The following CACNB2 variants were observed in gnomAD, a reference collection of about 807,000 sequenced individuals.
The protein encoded by CACNB2 is calcium voltage-gated channel auxiliary subunit beta 2, also known as voltage-dependent L-type calcium channel subunit beta-2.
A neutral mutation model predicts 73.3 loss-of-function variants in CACNB2; 42 were observed. That is an observed-to-expected ratio of 0.57 (90% CI 0.45 to 0.74). CACNB2 has a LOEUF of 0.74. Ranked by LOEUF, CACNB2 falls within the 30% of genes least tolerant of loss-of-function variation. The pLI is 0.00. For synonymous variants in CACNB2, 348 were observed against 310.3 expected, an observed-to-expected ratio of 1.12 and a Z score of -1.28; for missense variants, 940 against 853.0, an observed-to-expected ratio of 1.10 and a Z score of -1.27.
chr10:18,143,945 T>C (rs1322865906), intron 1 of CACNB2, among the ~76,000 whole-genome samples: 1 of 152,252 alleles, frequency 6.6e-6, no homozygotes, highest in Non-Finnish European at 1.5e-5. Context: ...ATTTTCCTTT[T>C]CTGTATCAAT....
intron 3 of CACNB2, among the ~76,000 whole-genome samples, chr10:18,472,824 T>C (rs1422380936): frequency 6.6e-6 from 1 of 152,238 alleles, no homozygotes; most frequent in Non-Finnish European, 1.5e-5. Flanking sequence ...ATATTCTTTA[T>C]ACCTTGCTTC....
chr10:18,192,079 A>G (rs543662425), intron 2 of CACNB2, among the ~76,000 whole-genome samples: 6 of 151,814 alleles, frequency 4.0e-5, no homozygotes, highest in African/African-American at 1.4e-4. Context: ...AGGATGCTAG[A>G]TAAGTGAATC....
intron 3 of CACNB2, among the ~76,000 whole-genome samples, chr10:18,427,327 T>C (rs1482411983): frequency 6.6e-6 from 1 of 152,174 alleles, no homozygotes; most frequent in Non-Finnish European, 1.5e-5. Flanking sequence ...ATTTTCATGA[T>C]GTTTTTAACA....
rs866254228 is a variant in CACNB2 at position 18,502,724 on chromosome 10, A to C, written c.593+1776A>C. ...AAAAAAAAAAAAAAAAAAAAAAAAA[A>C]CCGCATGTTTTTACTTATAAGTGAG... is the stretch of plus-strand genomic sequence containing the variant. On this transcript the variant is annotated intron_variant, in intron 5 of 13. Transcript: ENST00000324631. Among the ~76,000 whole-genome samples, 1,171 of 133,852 alleles carry C rather than the reference A, an allele frequency of 8.7e-3. 31 individuals carry two copies. The highest frequency in any genetic ancestry group is 0.03 in the African/African-American group (1,071 of 35,522). 87.8% of individuals were successfully genotyped at this position (133,852 alleles called of 152,430 possible).
chr10:18,360,083 C>G (rs984764879), intron 2 of CACNB2, among the ~76,000 whole-genome samples: 39 of 152,146 alleles, frequency 2.6e-4, no homozygotes, highest in Admixed American at 2.2e-3. Context: ...GGAAAGACAT[C>G]AATAAACTGC....
chr10:18,173,073 A>G (rs986372699), intron 2 of CACNB2, among the ~76,000 whole-genome samples: 3 of 152,102 alleles, frequency 2.0e-5, no homozygotes, highest in African/African-American at 4.8e-5. Flanking sequence ...GGAGTGCACA[A>G]CCATGACTGG....
intron 10 of CACNB2, among the ~76,000 whole-genome samples, chr10:18,532,262 G>C (rs952624280): frequency 3.9e-5 from 6 of 152,040 alleles, no homozygotes; most frequent in Non-Finnish European, 1.5e-5. Flanking sequence ...ATGTATGTAA[G>C]GCTACCACAA....
intron 9 of CACNB2, among the ~76,000 whole-genome samples, chr10:18,525,794 C>T (rs1483560371): frequency 6.6e-6 from 1 of 152,104 alleles, no homozygotes; most frequent in Non-Finnish European, 1.5e-5. Context: ...CTTCTCCTAT[C>T]TTCCAACTCT....
In CACNB2 at chr10:18,161,095, G is replaced by A. The variant is rs1021282028; in HGVS notation, c.213+10120G>A. On this transcript the variant is annotated intron_variant, in intron 2 of 13. Transcript: ENST00000324631. ...TGCAGTTGGAGGATAAAGAAGAGGG[G>A]AAAACAGGAAGATAATCCAAGAAGG... 2.2e-4 allele frequency among the ~76,000 whole-genome samples: 33 copies of A among 152,250 alleles called. No individual in the cohort carries two copies. In the East Asian group the frequency reaches 2.7e-3, roughly 12 times the overall value.
At chr10:18,147,894 G>A (rs2031149560) in intron 1 of CACNB2, among the ~76,000 whole-genome samples, 1 of 151,914 alleles carries the variant, frequency 6.6e-6, no homozygotes, top group Admixed American at 6.6e-5. Flanking sequence ...GAGCAAGATG[G>A]ACTTAATTTT....
intron 10 of CACNB2, among the ~76,000 whole-genome samples, chr10:18,529,483 T>C (rs2052786739): frequency 6.6e-6 from 1 of 152,212 alleles, no homozygotes; most frequent in East Asian, 1.9e-4. Flanking sequence ...CAAAGAGCTG[T>C]TGCTGCAGGA....
chr10:18,186,903 T>A (rs149973618), intron 2 of CACNB2, among the ~76,000 whole-genome samples: 83 of 152,326 alleles, frequency 5.4e-4, no homozygotes, highest in African/African-American at 1.9e-3. Context: ...TGTACAACTG[T>A]CACTATGTAG....
intron 1 of CACNB2, among the ~76,000 whole-genome samples, chr10:18,150,639 G>T (rs1290397271): frequency 2.6e-5 from 4 of 152,142 alleles, no homozygotes; most frequent in Non-Finnish European, 5.9e-5. Context: ...CTCCAGCCTG[G>T]CCAGCAAGAG....
intron 2 of CACNB2, among the ~76,000 whole-genome samples, chr10:18,213,128 C>T (rs2035383078): frequency 6.6e-6 from 1 of 152,174 alleles, no homozygotes; most frequent in Non-Finnish European, 1.5e-5. Context: ...ACCTGTGGCC[C>T]TTGGCGGCAG....
chr10:18,290,448 C>T (rs2039018956), intron 2 of CACNB2, among the ~76,000 whole-genome samples: 1 of 152,044 alleles, frequency 6.6e-6, no homozygotes. Context: ...TTTCTGGCTC[C>T]CTCTGTCACC....
rs796563050 is a variant in CACNB2 at position 18,335,826 on chromosome 10, T to C, written c.214-66098T>C. ...ACACACACACACACACACACACACA[T>C]ACACACACAGTTATTTAGTAGTAGA... is the stretch of plus-strand genomic sequence containing the variant. On this transcript the variant is annotated intron_variant, in intron 2 of 13. Transcript: ENST00000324631. Among the ~76,000 whole-genome samples, 956 of 106,142 alleles carry C rather than the reference T, an allele frequency of 9.0e-3. 13 individuals carry two copies. Among genetic ancestry groups the C allele is most frequent in the South Asian group, 0.048 (147 of 3,066 alleles). 69.6% of individuals were successfully genotyped at this position (106,142 alleles called of 152,430 possible). A position where few individuals can be genotyped will look rare whatever the true frequency, so the allele number is the denominator to read the frequency against.
In CACNB2 at chr10:18,329,320, A is replaced by G. The variant is rs7894849; in HGVS notation, c.214-72604A>G. On this transcript the variant is annotated intron_variant, in intron 2 of 13. Transcript: ENST00000324631. Reference sequence around the variant, plus strand: ...CCTGGTAAAGTGCTAAGCAATTGTTAAACAGCATTTTAAAGCATGAATGAA... The same window carrying G: ...CCTGGTAAAGTGCTAAGCAATTGTTGAACAGCATTTTAAAGCATGAATGAA... 6.2e-3 allele frequency among the ~76,000 whole-genome samples: 948 copies of G among 152,254 alleles called. 11 individuals carry two copies. The highest frequency in any genetic ancestry group is 0.022 in the African/African-American group (904 of 41,552).
intron 3 of CACNB2, among the ~76,000 whole-genome samples, chr10:18,485,556 CTCTTT>C (rs2049011492): frequency 6.9e-6 from 1 of 144,268 alleles, no homozygotes; most frequent in Admixed American, 7.1e-5. Flanking sequence ...CCCTCTCTCT[CTCTTT>C]TTTTTTTTTT....
chr10:18,317,275 T>C (rs1589026628), intron 2 of CACNB2, among the ~76,000 whole-genome samples: 1 of 152,086 alleles, frequency 6.6e-6, no homozygotes, highest in Admixed American at 6.6e-5. Flanking sequence ...ATTTGGGGGT[T>C]ACAGATGCAG....
Sources: gnomAD v4.1 joint callset for allele counts (sites outside exome capture counted in the v4.1 genomes callset) on GRCh38, gnomAD v4.1.1 for gene constraint, MANE v1.5 for transcripts, NCBI Gene and HGNC (gene_info 2026-07-23, HGNC 2026-07-21) for gene names.